The following KIF26B variants were observed in gnomAD, a reference collection of about 807,000 sequenced individuals.
The protein encoded by KIF26B is kinesin-like protein KIF26B.
In KIF26B, 63 loss-of-function variants were observed where a neutral mutation model predicts 151.2. That is an observed-to-expected ratio of 0.42 (90% CI 0.34 to 0.51). The LOEUF is 0.51. Ranked by LOEUF, KIF26B falls within the 20% of genes least tolerant of loss-of-function variation. The pLI is 0.07. For missense variants in KIF26B, 2,813 were observed against 2,913.6 expected (o/e 0.97, Z 0.79); for synonymous variants, 1,357 against 1,262.1 (o/e 1.08, Z -1.59).
chr1:245,316,870 C>T (rs1295595095), intron 2 of KIF26B, among the ~76,000 whole-genome samples: 1 of 152,190 alleles, frequency 6.6e-6, no homozygotes, highest in Admixed American at 6.5e-5. Context: ...GGACAAAAAC[C>T]TGCATTTTGT....
intron 4 of KIF26B, among the ~76,000 whole-genome samples, chr1:245,428,989 T>TGGGGGGGGGGGGGGGGG (rs1558162150): frequency 5.5e-4 from 45 of 81,574 alleles, no homozygotes; most frequent in Middle Eastern, 6.2e-3. Flanking sequence ...GGGGCGGGGG[T>TGGGGGGGGGGGGGGGGG]GGGGGGCAGT....
At position 245,488,553 on chromosome 1, in the gene KIF26B, G is replaced by A. The variant is rs995399172; in HGVS notation, c.1167-52214G>A. Among the ~76,000 whole-genome samples the A allele has an allele frequency of 4.1e-5, 6 of 147,364 alleles. No homozygotes were observed. Among genetic ancestry groups the A allele is most frequent in the East Asian group, 1.9e-4 (1 of 5,186 alleles). ...GGGAATGAACTACCCCCTCTGCCTC[G>A]GGGACAGGCACCTCCTGGTCCACAT... On this transcript the variant is annotated intron_variant, in intron 4 of 14. Transcript: ENST00000407071. The surrounding 1 kb of genome is among the most constrained non-coding windows in gnomAD (Gnocchi z 4.6).
chr1:245,171,080 G>A (rs1296942902), intron 2 of KIF26B, among the ~76,000 whole-genome samples: 1 of 152,192 alleles, frequency 6.6e-6, no homozygotes, highest in Non-Finnish European at 1.5e-5. Flanking sequence ...AGCTGGTTTT[G>A]ATCTTTTGGT....
Position 245,162,282 on chromosome 1 carries a change from T to A in KIF26B, c.465+5599T>A, listed in dbSNP as rs771761117. Among the ~76,000 whole-genome samples the A allele has an allele frequency of 1.5e-3, 228 of 152,168 alleles. 1 individual carries two copies. The highest frequency in any genetic ancestry group is 5.6e-4 in the Non-Finnish European group (38 of 68,030). On this transcript the variant is annotated intron_variant, in intron 2 of 14. Transcript: ENST00000407071. ...TCATCAGCATCCTTTCTTTCCTGTT[T>A]CTCGTCTATGGTGTTATTGTGGCGA...
In KIF26B at chr1:245,698,350, G is replaced by GC. The variant is rs2044722184; in HGVS notation, c.6027+43dup. On this transcript the variant is annotated intron_variant, in intron 13 of 14. Transcript: ENST00000407071. This position sits in a 1 kb window ranked among gnomAD's most constrained non-coding sequence, Gnocchi z 4.0. ...CCCACCCCCTGCCTACGTGGTGGCA[G>GC]CTCCCCACCAAGCCTGAGCAGGTGC... is the stretch of plus-strand genomic sequence containing the variant. The GC allele has an allele frequency of 1.9e-6, 3 of 1,558,890 alleles. No individual in the cohort carries two copies. Among genetic ancestry groups the GC allele is most frequent in the Non-Finnish European group, 2.6e-6 (3 of 1,140,484 alleles).
chr1:245,442,276 C>A (rs576058028), intron 4 of KIF26B, among the ~76,000 whole-genome samples: 1 of 152,116 alleles, frequency 6.6e-6, no homozygotes, highest in Non-Finnish European at 1.5e-5. Context: ...GCTTCCTGTC[C>A]GTGCTCTGGG....
chr1:245,554,364 A>G (rs1412763211), intron 5 of KIF26B, among the ~76,000 whole-genome samples: 1 of 152,124 alleles, frequency 6.6e-6, no homozygotes, highest in Non-Finnish European at 1.5e-5. Flanking sequence ...TCCTTATATG[A>G]CTTTTTCCCT....
intron 2 of KIF26B, among the ~76,000 whole-genome samples, chr1:245,277,632 A>C (rs576551443): frequency 6.6e-6 from 1 of 152,136 alleles, no homozygotes; most frequent in East Asian, 2.0e-4. Flanking sequence ...ACAAACAAAC[A>C]AAAACCACTT....
intron 2 of KIF26B, among the ~76,000 whole-genome samples, chr1:245,215,453 T>C (rs1330216566): frequency 2.0e-5 from 3 of 152,150 alleles, no homozygotes; most frequent in Non-Finnish European, 4.4e-5. Context: ...CTCTGAGACA[T>C]GAAGCAGATG....
chr1:245,296,175 C>CT (rs5782333), intron 2 of KIF26B, among the ~76,000 whole-genome samples: 82,816 of 146,926 alleles, frequency 0.56, 23,286 homozygotes, highest in Middle Eastern at 0.67. Context: ...CACGTTTTGT[C>CT]TTTTTTTTTT....
intron 4 of KIF26B, among the ~76,000 whole-genome samples, chr1:245,472,225 G>A (rs1194281915): frequency 6.6e-6 from 1 of 152,238 alleles, no homozygotes; most frequent in Non-Finnish European, 1.5e-5. Flanking sequence ...ACTTATGTGA[G>A]ACGTACAGAA....
intron 2 of KIF26B, among the ~76,000 whole-genome samples, chr1:245,201,692 C>A (rs773974710): frequency 8.5e-5 from 13 of 152,136 alleles, no homozygotes; most frequent in Non-Finnish European, 1.5e-5. Context: ...TAAGCATTAC[C>A]AGAAGTCATT....
Position 245,516,896 on chromosome 1 carries a change from G to A in KIF26B, c.1167-23871G>A, listed in dbSNP as rs1660981276. On this transcript the variant is annotated intron_variant, in intron 4 of 14. Coordinates refer to ENST00000407071, the MANE Select transcript of KIF26B (RefSeq NM_018012.4). This position sits in a 1 kb window ranked among gnomAD's most constrained non-coding sequence, Gnocchi z 4.2. ...GGTGATTGGCGGAGTTTGGGGGTGG[G>A]GAGGGGGCGCTGGGCTGATTGCCCT... Among the ~76,000 whole-genome samples, 2 of 152,102 alleles carry A rather than the reference G, an allele frequency of 1.3e-5. No individual in the cohort carries two copies. Among genetic ancestry groups the A allele is most frequent in the South Asian group, 4.2e-4 (2 of 4,810 alleles).
chr1:245,584,901 C>T (rs1010448926), intron 5 of KIF26B, among the ~76,000 whole-genome samples: 3 of 151,988 alleles, frequency 2.0e-5, no homozygotes, highest in Non-Finnish European at 4.4e-5. Context: ...GAAGCCACTT[C>T]GATTTTGACA....
chr1:245,613,841 A>C (rs1179359604), intron 9 of KIF26B, among the ~76,000 whole-genome samples: 2 of 152,164 alleles, frequency 1.3e-5, no homozygotes, highest in African/African-American at 4.8e-5. Flanking sequence ...CATTCACCAA[A>C]ACATCACTTT....
intron 2 of KIF26B, among the ~76,000 whole-genome samples, chr1:245,250,332 T>G (rs899491530): frequency 1.1e-4 from 17 of 152,230 alleles, no homozygotes; most frequent in African/African-American, 3.9e-4. Context: ...ACATATCAGT[T>G]GAGAACTTGA....
intron 9 of KIF26B, among the ~76,000 whole-genome samples, chr1:245,619,164 TG>T (rs1337541504): frequency 4.2e-5 from 6 of 143,306 alleles, no homozygotes; most frequent in Non-Finnish European, 9.1e-5. Flanking sequence ...TATTAAACTA[TG>T]GGTTCCTTGA....
chr1:245,174,897 G>A (rs74153108), intron 2 of KIF26B, among the ~76,000 whole-genome samples: 2,511 of 152,212 alleles, frequency 0.016, 77 homozygotes, highest in African/African-American at 0.058. Flanking sequence ...ATGCTTCCTC[G>A]GTTAAGGAAT....
chr1:245,529,384 C>G (rs964244512), intron 4 of KIF26B, among the ~76,000 whole-genome samples: 1 of 152,208 alleles, frequency 6.6e-6, no homozygotes, highest in Non-Finnish European at 1.5e-5. Context: ...ATACACTTAT[C>G]AGAAACAGAG....
Sources: gnomAD v4.1 joint callset for allele counts (sites outside exome capture counted in the v4.1 genomes callset) on GRCh38, gnomAD v4.1.1 for gene constraint, Gnocchi (gnomAD v3.1) non-coding constraint, MANE v1.5 for transcripts, NCBI Gene and HGNC (gene_info 2026-07-23, HGNC 2026-07-21) for gene names.